Variants in MED12 observed in about 807,000 individuals in gnomAD.
MED12 encodes the protein mediator of RNA polymerase II transcription subunit 12.
In MED12, 10 loss-of-function variants were observed where a neutral mutation model predicts 177.7. That is an observed-to-expected ratio of 0.06 (90% CI 0.03 to 0.10). The LOEUF (loss-of-function observed/expected upper bound fraction) is 0.10. Among genes scored for constraint, MED12 ranks in the 10% least tolerant of loss-of-function variants. MED12 has a pLI of 1.00. For missense variants in MED12, 867 were observed against 1,780.8 expected (o/e 0.49, Z 9.23); for synonymous variants, 641 against 678.4 (o/e 0.94, Z 0.86).
Position 71,123,616 on chromosome X carries a change from C to T in MED12, c.1640C>T (p.Ala547Val). The T allele has an allele frequency of 8.3e-7, 1 of 1,211,148 alleles. No individual in the cohort carries two copies. The highest frequency in any genetic ancestry group is 1.1e-6 in the Non-Finnish European group (1 of 895,057). Reference sequence around the variant, plus strand: ...CAGCGTTGTGGAGAATCAGAAGCCGCAGATGAGAAGGGTTCCATCGCCTCT... The same window carrying T: ...CAGCGTTGTGGAGAATCAGAAGCCGTAGATGAGAAGGGTTCCATCGCCTCT... ...EAERCGESEA[A>V]DEKGSIASGS... Residue 547 changes from alanine (A) to valine (V), a missense_variant, in exon 12 of 45, where the codon GCA becomes GTA. Ala to Val is a moderately conservative substitution (Grantham distance 64). Transcript: ENST00000374080.
At chrX:71,130,410 G>A (rs1460629257) in intron 28 of MED12, among the ~76,000 whole-genome samples, 196 bp downstream of exon 28, 1 of 112,822 alleles carries the variant, frequency 8.9e-6, no homozygotes, top group African/African-American at 3.2e-5. Context: ...AGACTCCAGT[G>A]TAAGAGTATT....
Position 71,141,224 on chromosome X carries a change from T to TTA in MED12, c.6268-3_6268-2dup, listed in dbSNP as rs774699975. 1 of 1,156,414 alleles carries TTA rather than the reference T, an allele frequency of 8.6e-7. No individual in the cohort carries two copies. The highest frequency in any genetic ancestry group is 1.9e-5 in the South Asian group (1 of 52,212). On this transcript the variant is annotated splice_region_variant and splice_polypyrimidine_tract_variant and intron_variant, in intron 42 of 44. Coordinates refer to ENST00000374080, the MANE Select transcript of MED12 (RefSeq NM_005120.3). ...TCCTTCTGAAGTATCTTTTGTGTTC[T>TTA]TATAGCAGCAGCAGCAACAGCAACA...
At position 71,125,316 on chromosome X, in the gene MED12, C is replaced by T. The variant is rs1035313311; in HGVS notation, c.2227-35C>T. The T allele has an allele frequency of 5.0e-6, 6 of 1,206,892 alleles. No homozygotes were observed. In the African/African-American group the frequency reaches 5.3e-5, roughly 11 times the overall value. Reference sequence around the variant, plus strand: ...TGCTTTCAAGAGGAGGGAAGGAGATCGGTGCTGGAGTCTGATGGTGCTGCT... The same window carrying T: ...TGCTTTCAAGAGGAGGGAAGGAGATTGGTGCTGGAGTCTGATGGTGCTGCT... On this transcript the variant is annotated intron_variant, in intron 15 of 44. Transcript: ENST00000374080.
At position 71,125,423 on chromosome X, in the gene MED12, G is replaced by A. The variant is rs2147793016; in HGVS notation, c.2299G>A (p.Ala767Thr). The A allele has an allele frequency of 8.3e-7, 1 of 1,210,231 alleles. No homozygotes were observed. Among genetic ancestry groups the A allele is most frequent in the Non-Finnish European group, 1.1e-6 (1 of 894,754 alleles). The change falls in exon 16 of 45, where the codon GCC becomes ACC. Residue 767 changes from alanine to threonine, a missense_variant. By Grantham distance (58) the Ala-to-Thr change is moderately conservative. Coordinates refer to ENST00000374080, the MANE Select transcript of MED12 (RefSeq NM_005120.3). ...TGGGGTGGGAAAGCAGCGAGATGAT[G>A]CCCGCCATGCCATCAAGAAAATCAC... is the stretch of plus-strand genomic sequence containing the variant. ...LFGVGKQRDD[A>T]RHAIKKITKD...
At position 71,119,754 on chromosome X, in the gene MED12, C is replaced by A; in HGVS notation, c.273C>A (p.Arg91=). Residue 91 remains arginine (R), a synonymous_variant, in exon 3 of 45, where the codon CGC becomes CGA. Coordinates refer to ENST00000374080, the MANE Select transcript of MED12 (RefSeq NM_005120.3). The stretch of plus-strand genomic sequence containing the variant: ...GTAATACCCTTCCTGACACTGGTCG[C>A]AGGAAGCCCCAAGTGAACCAGAAGG... The part of the protein sequence containing the change: ...LRCNTLPDTG[R]RKPQVNQKDN... The A allele has an allele frequency of 8.3e-7, 1 of 1,211,028 alleles. No individual in the cohort carries two copies.
rs766138859 is a variant in MED12, at chrX:71,132,899, A to G, written c.4470A>G (p.Lys1490=). 8.4e-7 allele frequency: 1 copy of G among 1,188,440 alleles called. No individual in the cohort carries two copies. Among genetic ancestry groups the G allele is most frequent in the African/African-American group, 1.8e-5 (1 of 56,348 alleles). Residue 1490 remains lysine (K), a synonymous_variant, in exon 32 of 45, where the codon AAA becomes AAG. Transcript: ENST00000374080. ...TATCGCTGGTGCTAACATGTCTGAA[A>G]GGGCAGGATGAACAACGCGAGGGAC... ...PFLSLVLTCL[K]GQDEQREGLL...
At chrX:71,135,386 CT>C (rs1418996837) in intron 36 of MED12, 133 bp downstream of exon 36, 13 of 728,226 alleles carry the variant, frequency 1.8e-5, no homozygotes, top group Non-Finnish European at 2.5e-5. Context: ...TGAACACCAT[CT>C]CTGGGGTTTT....
intron 41 of MED12, 33 bp downstream of exon 41, chrX:71,137,976 G>A (rs770628382): frequency 1.7e-6 from 2 of 1,179,630 alleles, no homozygotes; most frequent in East Asian, 5.9e-5. Context: ...AGGAAGAGAT[G>A]CAGAGGTATA....
In MED12 at chrX:71,121,167, A is replaced by G. The variant is rs202206536; in HGVS notation, c.735+15A>G. ...TCATGTTTCAGGTAGAGAGTAGGGC[A>G]TGCTGTGTGGGGCATTGGGTTGAGC... On this transcript the variant is annotated intron_variant, in intron 5 of 44. Transcript: ENST00000374080. The G allele has an allele frequency of 8.3e-6, 10 of 1,207,752 alleles. No individual in the cohort carries two copies. Among genetic ancestry groups the G allele is most frequent in the Non-Finnish European group, 1.0e-5 (9 of 894,687 alleles).
rs2147797874 is a variant in MED12, at chrX:71,127,023, C to T, written c.2740C>T (p.Leu914=). ...EAELLLKSSD[L]VGSYTTSLCL... is the part of the protein sequence containing the mutation. ...TGAGCTGCTTCTCAAATCCTCGGAT[C>T]TGGTGGGCAGCTACACTACTAGCCT... Residue 914 remains leucine, a synonymous_variant, in exon 20 of 45, where the codon CTG becomes TTG. Transcript: ENST00000374080. The T allele has an allele frequency of 1.7e-6, 2 of 1,210,949 alleles. No individual in the cohort carries two copies. The highest frequency in any genetic ancestry group is 1.8e-5 in the South Asian group (1 of 57,020).
intron 23 of MED12, 55 bp from the exon 24 acceptor site, chrX:71,128,543 C>G: frequency 8.3e-7 from 1 of 1,208,746 alleles, no homozygotes; most frequent in Non-Finnish European, 1.1e-6. Flanking sequence ...GGAGGCACAC[C>G]GCTTTGAGTG....
rs1204561609 is a variant in MED12, at chrX:71,126,157, G to A, written c.2541+3G>A. 3 of 1,187,630 alleles carry A rather than the reference G, an allele frequency of 2.5e-6. No individual in the cohort carries two copies. Among genetic ancestry groups the A allele is most frequent in the Non-Finnish European group, 3.4e-6 (3 of 874,493 alleles). ...ACCAACACCAGGTCACGGCTCAGGTGTGGGCCTAAGCCCAGCCCCTTTCCC... is the reference window on the plus strand; with the variant it reads ...ACCAACACCAGGTCACGGCTCAGGTATGGGCCTAAGCCCAGCCCCTTTCCC... On this transcript the variant is annotated splice_donor_region_variant and intron_variant, in intron 18 of 44. Transcript: ENST00000374080.
chrX:71,120,598 G>A (rs1243480503), intron 4 of MED12, among the ~76,000 whole-genome samples: 1 of 103,756 alleles, frequency 9.6e-6, no homozygotes, highest in Non-Finnish European at 2.0e-5. Flanking sequence ...TGGGGGTAAG[G>A]TATTCTAAGT....
At chrX:71,129,966 C>T in intron 27 of MED12, 69 bp from the exon 28 acceptor site, 2 of 1,176,836 alleles carry the variant, frequency 1.7e-6, no homozygotes, top group Non-Finnish European at 2.3e-6. Flanking sequence ...CTTAACAACT[C>T]CAGCCCATCC....
chrX:71,120,472 C>T (rs62609584), intron 4 of MED12, among the ~76,000 whole-genome samples: 19 of 109,429 alleles, frequency 1.7e-4, no homozygotes, highest in Non-Finnish European at 5.7e-5. Context: ...GCAGAAGGTT[C>T]TTTGAGTGGA....
intron 34 of MED12, 117 bp downstream of exon 34, chrX:71,134,583 G>T: frequency 9.9e-7 from 1 of 1,010,372 alleles, no homozygotes; most frequent in Non-Finnish European, 1.4e-6. Context: ...GTGGCCCTGG[G>T]CTCCCCATAC....
Position 71,127,309 on chromosome X carries a change from C to T in MED12, c.2850-27C>T, listed in dbSNP as rs144560611. ...GAGGAGCCCGCATACCATCTGCTGA[C>T]CCTCCCAACCTTGCTTCTTCATGCA... On this transcript the variant is annotated intron_variant, in intron 20 of 44. Transcript: ENST00000374080. 1.1e-4 allele frequency: 136 copies of T among 1,208,326 alleles called. No individual in the cohort carries two copies. In the African/African-American group the frequency reaches 2.0e-3, roughly 18 times the overall value.
intron 1 of MED12, 107 bp from the exon 2 acceptor site, chrX:71,119,266 C>G (rs2092283128): frequency 1.8e-6 from 1 of 569,078 alleles, no homozygotes; most frequent in African/African-American, 2.3e-5. Flanking sequence ...ACACGGAACC[C>G]TCCTCCTGCC....
chrX:71,118,907 G>A (rs2147767796), intron 1 of MED12, 54 bp downstream of exon 1: 1 of 1,058,464 alleles, frequency 9.4e-7, no homozygotes. Flanking sequence ...GTCAGCCTAG[G>A]AGGAGGCACT....
Sources: gnomAD v4.1 joint callset for allele counts (sites outside exome capture counted in the v4.1 genomes callset) on GRCh38, gnomAD v4.1.1 for gene constraint, MANE v1.5 for transcripts, NCBI Gene and HGNC (gene_info 2026-07-23, HGNC 2026-07-21) for gene names.